ARL8B: variants seen among roughly 807,000 people sequenced by gnomAD.
The protein encoded by ARL8B is ADP-ribosylation factor-like protein 8B.
In ARL8B, 9 loss-of-function variants were observed where a neutral mutation model predicts 30.6. The observed-to-expected ratio is 0.29, with a 90% confidence interval of 0.18 to 0.51. The LOEUF is 0.51. ARL8B is among the 20% of genes least tolerant of loss of function. The pLI is 0.97. For synonymous variants in ARL8B, 74 were observed against 76.0 expected (o/e 0.97, Z 0.14); for missense variants, 130 against 227.2 (o/e 0.57, Z 2.75).
rs558176325 is a variant in ARL8B, at chr3:5,130,709, T to A, written c.123+8121T>A. Among the ~76,000 whole-genome samples, 132 of 152,136 alleles carry A rather than the reference T, an allele frequency of 8.7e-4. 1 individual carries two copies. Among genetic ancestry groups the A allele is most frequent in the African/African-American group, 3.1e-3 (130 of 41,508 alleles). On this transcript the variant is annotated intron_variant, in intron 1 of 6. Coordinates refer to ENST00000256496, the MANE Select transcript of ARL8B (RefSeq NM_018184.3). ...CGCCACTACGCCTGGCTATTTTTTG[T>A]ATTTTTAGTAGAGATGGGGTTTCGC...
intron 1 of ARL8B, among the ~76,000 whole-genome samples, chr3:5,155,505 G>T (rs572164485): frequency 6.6e-6 from 1 of 152,142 alleles, no homozygotes; most frequent in Non-Finnish European, 1.5e-5. Context: ...CCTATTATCT[G>T]TCTTCTTTTA....
intron 1 of ARL8B, among the ~76,000 whole-genome samples, chr3:5,166,402 G>T (rs1202328045): frequency 6.8e-6 from 1 of 147,632 alleles, no homozygotes; most frequent in Non-Finnish European, 1.5e-5. Context: ...GAGTGCAGTG[G>T]TGCCATCTCA....
intron 1 of ARL8B, among the ~76,000 whole-genome samples, chr3:5,134,838 C>T (rs568792486): frequency 1.2e-4 from 19 of 152,266 alleles, no homozygotes; most frequent in Admixed American, 1.0e-3. Flanking sequence ...AATGGCTGTT[C>T]CACCTTCACT....
At chr3:5,177,513 G>A (rs7614298) in intron 6 of ARL8B, among the ~76,000 whole-genome samples, 61,988 of 150,188 alleles carry the variant, frequency 0.41, 14,291 homozygotes, top group African/African-American at 0.65. Flanking sequence ...CTGGAGTGCA[G>A]TGGCGCAATT....
chr3:5,139,924 A>G (rs770376245), intron 1 of ARL8B, among the ~76,000 whole-genome samples: 4 of 150,886 alleles, frequency 2.7e-5, no homozygotes, highest in East Asian at 1.9e-4. Flanking sequence ...TCTTTCTGTT[A>G]TGTTCTTTCA....
intron 1 of ARL8B, among the ~76,000 whole-genome samples, chr3:5,154,527 C>A (rs758107707): frequency 2.0e-4 from 30 of 151,770 alleles, no homozygotes; most frequent in Non-Finnish European, 3.8e-4. Context: ...AGAGATGGGG[C>A]TTCACTATGT....
At chr3:5,137,788 C>G (rs543688673) in intron 1 of ARL8B, among the ~76,000 whole-genome samples, 14 of 152,052 alleles carry the variant, frequency 9.2e-5, no homozygotes, top group Admixed American at 9.2e-4. Context: ...CAGGATCTCA[C>G]TGTGTTGCCC....
chr3:5,156,592 T>G lies in ARL8B; in HGVS notation c.124-13911T>G, dbSNP rs1435535004. 2.0e-5 allele frequency among the ~76,000 whole-genome samples: 3 copies of G among 152,132 alleles called. No individual in the cohort carries two copies. In the East Asian group the frequency reaches 5.8e-4, roughly 29 times the overall value. The stretch of plus-strand genomic sequence containing the variant: ...CACCATGCCCAGTGAATTTTTGTAT[T>G]TTCAGTAGAGATGGGGTTTTGCCAT... On this transcript the variant is annotated intron_variant, in intron 1 of 6. Coordinates refer to ENST00000256496, the MANE Select transcript of ARL8B (RefSeq NM_018184.3).
At chr3:5,125,418 G>GTAA in intron 1 of ARL8B, among the ~76,000 whole-genome samples, 1 of 152,194 alleles carries the variant, frequency 6.6e-6, no homozygotes. Context: ...ATTGGGGAAA[G>GTAA]TAATCGCATC....
chr3:5,130,485 C>A (rs1182818849), intron 1 of ARL8B, among the ~76,000 whole-genome samples: 2 of 150,966 alleles, frequency 1.3e-5, no homozygotes, highest in Non-Finnish European at 1.5e-5. Context: ...CTTACCTAAT[C>A]TTGGACCTAT....
At chr3:5,171,149 A>G (rs552591678) in intron 2 of ARL8B, among the ~76,000 whole-genome samples, 8 of 152,280 alleles carry the variant, frequency 5.3e-5, no homozygotes, top group African/African-American at 1.7e-4. Flanking sequence ...TCTGTGGCTC[A>G]TCTAATGAAG....
intron 1 of ARL8B, among the ~76,000 whole-genome samples, chr3:5,139,469 A>T (rs530063365): frequency 2.2e-4 from 33 of 152,318 alleles, no homozygotes; most frequent in African/African-American, 7.7e-4. Flanking sequence ...AGATGTTGTC[A>T]CCTGGCATTA....
chr3:5,131,970 A>C (rs1031643915), intron 1 of ARL8B, among the ~76,000 whole-genome samples: 1 of 152,042 alleles, frequency 6.6e-6, no homozygotes, highest in African/African-American at 2.4e-5. Context: ...TGCTGCCTCA[A>C]CCTCTTGGGT....
chr3:5,130,195 T>TATA (rs575473053), intron 1 of ARL8B, among the ~76,000 whole-genome samples: 27 of 79,000 alleles, frequency 3.4e-4, no homozygotes, highest in African/African-American at 1.7e-3. Context: ...AAAATATATA[T>TATA]TTTTTTTTTG....
At chr3:5,128,442 A>G (rs2054251651) in intron 1 of ARL8B, 1 of 453,878 alleles carries the variant, frequency 2.2e-6, no homozygotes, top group Non-Finnish European at 4.4e-6. Flanking sequence ...CGCTCCAATT[A>G]TTTGTTTTTC....
chr3:5,178,735 G>T lies in ARL8B; in HGVS notation c.*22G>T. ...CTGAAGCATCTCCTGAAGTCTTCCA[G>T]TCCTTCTTGGCTATAATCCTAGAAT... On this transcript the variant is annotated 3_prime_UTR_variant, in exon 7 of 7. Transcript: ENST00000256496. 1 of 1,611,324 alleles carries T rather than the reference G, an allele frequency of 6.2e-7. No homozygotes were observed. The highest frequency in any genetic ancestry group is 8.5e-7 in the Non-Finnish European group (1 of 1,179,402).
chr3:5,163,824 C>T (rs1450460599), intron 1 of ARL8B, among the ~76,000 whole-genome samples: 1 of 152,144 alleles, frequency 6.6e-6, no homozygotes, highest in East Asian at 1.9e-4. Flanking sequence ...GAGCCGAGAT[C>T]GTGCCATTGC....
rs1432485309 is a variant in ARL8B at position 5,180,263 on chromosome 3, T to A, written c.*1550T>A. The A allele has an allele frequency of 1.3e-5, 2 of 152,660 alleles. No homozygotes were observed. Among genetic ancestry groups the A allele is most frequent in the African/African-American group, 2.4e-5 (1 of 41,472 alleles). The allele number at this position is 152,660 out of a possible 1,614,324, so 9.5% of individuals were successfully genotyped here. A position where few individuals can be genotyped will look rare whatever the true frequency, so the allele number is the denominator to read the frequency against. On this transcript the variant is annotated 3_prime_UTR_variant, in exon 7 of 7. Transcript: ENST00000256496. The stretch of plus-strand genomic sequence containing the variant: ...GTGTTGCACAGACACTACTTGCTTT[T>A]CTCCATTCATATTTTTATGAGTAGA...
intron 1 of ARL8B, among the ~76,000 whole-genome samples, chr3:5,131,186 T>G (rs1018916616): frequency 2.6e-5 from 4 of 152,116 alleles, no homozygotes; most frequent in Non-Finnish European, 5.9e-5. Context: ...ATTACAGGTG[T>G]GAGCCACCGT....
Sources: gnomAD v4.1 joint callset for allele counts (sites outside exome capture counted in the v4.1 genomes callset) on GRCh38, gnomAD v4.1.1 for gene constraint, MANE v1.5 for transcripts, NCBI Gene and HGNC (gene_info 2026-07-23, HGNC 2026-07-21) for gene names.